Variants in OSCAR observed in about 807,000 individuals in gnomAD.
OSCAR encodes osteoclast associated Ig-like receptor, also known as osteoclast-associated immunoglobulin-like receptor.
In OSCAR, 25 loss-of-function variants were observed where a neutral mutation model predicts 27.3. The ratio of observed to expected loss-of-function variants is 0.92; its 90% confidence interval spans 0.67 to 1.28. The LOEUF is 1.28. Among genes scored for constraint, OSCAR ranks in the 50% most tolerant of loss-of-function variants. OSCAR has a pLI of 0.00. For missense variants in OSCAR, 354 were observed against 355.1 expected (o/e 1.00, Z 0.03); for synonymous variants, 158 against 165.7 (o/e 0.95, Z 0.36).
chr19:54,098,495 C>T (rs1009249578), intron 2 of OSCAR, among the ~76,000 whole-genome samples: 28 of 151,990 alleles, frequency 1.8e-4, no homozygotes, highest in African/African-American at 4.6e-4. Flanking sequence ...ACCCTAGAGT[C>T]GGAGGCTGCA....
intron 4 of OSCAR, 22 bp downstream of exon 4, chr19:54,095,850 G>A: frequency 6.4e-6 from 10 of 1,551,978 alleles, no homozygotes; most frequent in South Asian, 1.2e-5. Context: ...GGAGGAGGCG[G>A]GCCGGGCCTC....
chr19:54,100,239 C>T (rs2072979400), intron 1 of OSCAR, among the ~76,000 whole-genome samples: 1 of 152,194 alleles, frequency 6.6e-6, no homozygotes, highest in African/African-American at 2.4e-5. Flanking sequence ...CCTCCTGTCT[C>T]AGTAGGCAGA....
At position 54,097,141 on chromosome 19, in the gene OSCAR, T is replaced by G; in HGVS notation, c.94A>C (p.Lys32Gln). 1 of 1,613,846 alleles carries G rather than the reference T, an allele frequency of 6.2e-7. No individual in the cohort carries two copies. Among genetic ancestry groups the G allele is most frequent in the Non-Finnish European group, 8.5e-7 (1 of 1,179,898 alleles). ...GCCGGCTGAGCTCCCAGCCATGGCT[T>G]AGGGTGGTATGAAGCTGGGGGGACT... The part of the protein sequence containing the change: ...PSVPPASYHP[K>Q]PWLGAQPATV... The change falls in exon 3 of 5, where the codon AAG becomes CAG. Residue 32 changes from lysine to glutamine, a missense_variant. Coordinates refer to ENST00000358375, the MANE Select transcript of OSCAR (RefSeq NM_133169.6).
rs17853374 is a variant in OSCAR at position 54,095,891 on chromosome 19, C to T, written c.636G>A (p.Val212=). The change falls in exon 4 of 5, where the codon GTG becomes GTA. Residue 212 remains valine, a synonymous_variant. Transcript: ENST00000358375. ...CCTCACCTTCCCAGCTGATGACCAGCACCTCGCTGCGCTGCGACAGCACGT... is the reference window on the plus strand; with the variant it reads ...CCTCACCTTCCCAGCTGATGACCAGTACCTCGCTGCGCTGCGACAGCACGT... ...APYVLSQRSE[V]LVISWEDSGS... is the part of the protein sequence containing the mutation. 3 of 1,562,954 alleles carry T rather than the reference C, an allele frequency of 1.9e-6. No homozygotes were observed. The highest frequency in any genetic ancestry group is 8.7e-7 in the Non-Finnish European group (1 of 1,153,708).
rs752913292 is a variant in OSCAR, at chr19:54,095,200, G to A, written c.*21C>T. On this transcript the variant is annotated 3_prime_UTR_variant, in exon 5 of 5. Transcript: ENST00000358375. ...CTCCGCCACTCAGGTTGGAAGTCTC[G>A]GGCTGCAGTGCTCCTGGGGCTCAGG... 9.3e-6 allele frequency: 15 copies of A among 1,606,412 alleles called. No homozygotes were observed. The highest frequency in any genetic ancestry group is 4.5e-5 in the East Asian group (2 of 44,764).
chr19:54,095,452 G>A (rs1211892945), intron 4 of OSCAR, 95 bp from the exon 5 acceptor site: 9 of 1,479,824 alleles, frequency 6.1e-6, no homozygotes, highest in Non-Finnish European at 8.1e-6. Context: ...GTGGACTTAG[G>A]GACCTGACTC....
At chr19:54,100,364 GA>G (rs2072986767) in intron 1 of OSCAR, among the ~76,000 whole-genome samples, 1 of 152,138 alleles carries the variant, frequency 6.6e-6, no homozygotes, top group Non-Finnish European at 1.5e-5. Context: ...AATGATCGTA[GA>G]GTTTCTCCTC....
chr19:54,099,059 T>TTG (rs1555783129), intron 2 of OSCAR, among the ~76,000 whole-genome samples: 1,789 of 149,356 alleles, frequency 0.012, 38 homozygotes, highest in Admixed American at 0.05. Context: ...AAAGAGTTTT[T>TTG]TTTGTTTGTT....
Position 54,097,273 on chromosome 19 carries a change from TA to T in OSCAR, c.71-110del. 3.5e-6 allele frequency: 4 copies of T among 1,131,286 alleles called. No individual in the cohort carries two copies. In the South Asian group the frequency reaches 6.2e-5, roughly 18 times the overall value. The allele number at this position is 1,131,286 out of a possible 1,614,324, so 70.1% of individuals were successfully genotyped here. The stretch of plus-strand genomic sequence containing the variant: ...CCTTGGACAATTACTGCCCCTTTCT[TA>T]GCCTCAGTTTCCTGTTTGTAAAATC... On this transcript the variant is annotated intron_variant, in intron 2 of 4. Transcript: ENST00000358375.
At position 54,095,869 on chromosome 19, in the gene OSCAR, C is replaced by A; in HGVS notation, c.655+3G>T. On this transcript the variant is annotated splice_donor_region_variant and intron_variant, in intron 4 of 4. Transcript: ENST00000358375. ...GAGGCGGGCCGGGCCTCAGGGCCCT[C>A]ACCTTCCCAGCTGATGACCAGCACC... The A allele has an allele frequency of 6.4e-7, 1 of 1,555,088 alleles. No homozygotes were observed. Among genetic ancestry groups the A allele is most frequent in the Non-Finnish European group, 8.7e-7 (1 of 1,149,028 alleles).
chr19:54,098,371 C>T (rs756033897), intron 2 of OSCAR, among the ~76,000 whole-genome samples: 1 of 151,982 alleles, frequency 6.6e-6, no homozygotes, highest in Non-Finnish European at 1.5e-5. Flanking sequence ...TCAAGACCAG[C>T]CTGACCAACA....
At chr19:54,097,891 A>G (rs2072839042) in intron 2 of OSCAR, among the ~76,000 whole-genome samples, 1 of 151,896 alleles carries the variant, frequency 6.6e-6, no homozygotes, top group Non-Finnish European at 1.5e-5. Context: ...GTGAGCCACC[A>G]CGCCCAGCCA....
At chr19:54,099,244 T>TTTTTTTTTTTTTTTTTTTTG (rs1267618078) in intron 2 of OSCAR, among the ~76,000 whole-genome samples, 5 of 133,196 alleles carry the variant, frequency 3.8e-5, no homozygotes, top group Admixed American at 8.4e-5. Flanking sequence ...TTTTTTTTTT[T>TTTTTTTTTTTTTTTTTTTTG]TTTTTTTTTA....
In OSCAR at chr19:54,094,955, A is replaced by G; in HGVS notation, c.*266T>C. On this transcript the variant is annotated 3_prime_UTR_variant, in exon 5 of 5. Transcript: ENST00000358375. ...CTACTACCTTTCTGTAGCTGCTACT[A>G]CTACAGTGAGTAGACGGCAGTGCTG... 2 of 461,212 alleles carry G rather than the reference A, an allele frequency of 4.3e-6. No homozygotes were observed. The highest frequency in any genetic ancestry group is 4.9e-5 in the South Asian group (1 of 20,552). The allele number at this position is 461,212 out of a possible 1,614,324, so 28.6% of individuals were successfully genotyped here. A position where few individuals can be genotyped will look rare whatever the true frequency, so the allele number is the denominator to read the frequency against.
At chr19:54,099,818 T>C in intron 1 of OSCAR, 38 bp from the exon 2 acceptor site, 1 of 1,589,696 alleles carries the variant, frequency 6.3e-7, no homozygotes, top group Non-Finnish European at 8.5e-7. Flanking sequence ...TTTTCCTTTT[T>C]TTTTTTTTGT....
intron 4 of OSCAR, 80 bp from the exon 5 acceptor site, chr19:54,095,437 C>G: frequency 6.7e-7 from 1 of 1,496,064 alleles, no homozygotes; most frequent in South Asian, 1.3e-5. Flanking sequence ...TTTCCAGCCC[C>G]TGGGGTGGAC....
intron 1 of OSCAR, among the ~76,000 whole-genome samples, 187 bp from the exon 2 acceptor site, chr19:54,099,967 C>T (rs984446225): frequency 6.6e-6 from 1 of 152,084 alleles, no homozygotes; most frequent in African/African-American, 2.4e-5. Flanking sequence ...TGCCCGCCAC[C>T]ACACCAGGCT....
In OSCAR at chr19:54,096,124, G is replaced by A; in HGVS notation, c.403C>T (p.Leu135=). Residue 135 remains leucine (L), a synonymous_variant, in exon 4 of 5, where the codon CTG becomes TTG. Coordinates refer to ENST00000358375, the MANE Select transcript of OSCAR (RefSeq NM_133169.6). The part of the protein sequence containing the change: ...EELPRPSLVA[L]PGPVVGPGAN... ...CCAGGACCCACCACCGGCCCGGGCA[G>A]CGCCACCAGCGACGGCCGCGGCAGC... is the stretch of plus-strand genomic sequence containing the variant. 2 of 1,526,358 alleles carry A rather than the reference G, an allele frequency of 1.3e-6. No homozygotes were observed. The highest frequency in any genetic ancestry group is 1.7e-6 in the Non-Finnish European group (2 of 1,143,406). The allele number at this position is 1,526,358 out of a possible 1,614,324, so 94.6% of individuals were successfully genotyped here. A position where few individuals can be genotyped will look rare whatever the true frequency, so the allele number is the denominator to read the frequency against.
intron 2 of OSCAR, among the ~76,000 whole-genome samples, chr19:54,099,350 T>C (rs1048938541): frequency 6.7e-6 from 1 of 150,274 alleles, no homozygotes. Flanking sequence ...ATTACAGACG[T>C]TGGCCATTGC....
Sources: allele counts gnomAD v4.1 joint callset (sites outside exome capture counted in the v4.1 genomes callset), GRCh38; gene constraint gnomAD v4.1.1; transcripts MANE v1.5; gene names NCBI Gene and HGNC (gene_info 2026-07-23, HGNC 2026-07-21).